The following OFD1 variants were observed in gnomAD, a reference collection of about 807,000 sequenced individuals.
The protein encoded by OFD1 is centriole and centriolar satellite protein OFD1.
OFD1 carries 12 observed loss-of-function variants against 81.4 expected under a neutral mutation model. That is an observed-to-expected ratio of 0.15 (90% CI 0.09 to 0.24). The LOEUF is 0.24. Among genes scored for constraint, OFD1 ranks in the 10% least tolerant of loss-of-function variants. The pLI is 1.00. For synonymous variants in OFD1, 256 were observed against 263.7 expected (o/e 0.97, Z 0.28); for missense variants, 685 against 733.9 (o/e 0.93, Z 0.77).
In OFD1 at chrX:13,760,151, C is replaced by T; in HGVS notation, c.1691C>T (p.Ser564Phe). The stretch of plus-strand genomic sequence containing the variant: ...GAAGTGTACTGCAATCCAAAGCAGT[C>T]TGTGATCGATCGTTCTGTCAATGGA... ...ENEVYCNPKQSVIDRSVNGLI... is the reference protein window; with the variant it reads ...ENEVYCNPKQFVIDRSVNGLI... The change falls in exon 16 of 23, where the codon TCT becomes TTT. Residue 564 changes from serine (S) to phenylalanine (F), a missense_variant. By Grantham distance (155) the Ser-to-Phe change is radical. Transcript: ENST00000340096. 2 of 1,211,896 alleles carry T rather than the reference C, an allele frequency of 1.7e-6. No individual in the cohort carries two copies. The highest frequency in any genetic ancestry group is 2.2e-6 in the Non-Finnish European group (2 of 895,351).
At chrX:13,724,930 G>A in the OFD1 span, among the ~76,000 whole-genome samples, 2 of 113,330 alleles carry the variant, frequency 1.8e-5, no homozygotes, top group African/African-American at 3.2e-5. Flanking sequence ...CTTAGCAACC[G>A]GCAGACAAGG....
At chrX:13,762,200 T>C in intron 17 of OFD1, 144 bp from the exon 18 acceptor site, 2 of 486,269 alleles carry the variant, frequency 4.1e-6, no homozygotes, top group South Asian at 5.9e-5. Flanking sequence ...TGCCTAGTGG[T>C]GGTGGTGAGG....
chrX:13,772,787 T>G, downstream of OFD1: 5 of 814,865 alleles, frequency 6.1e-6, no homozygotes, highest in Non-Finnish European at 8.9e-6. Context: ...TACATCTACA[T>G]TAGTTTGGTG....
chrX:13,768,742 G>A lies in OFD1; in HGVS notation c.2953G>A (p.Gly985Ser), dbSNP rs757837343. ...DKSSKKMVQE[G>S]SLVDTLQSSD... ...GAGCTCAAAAAAGATGGTCCAAGAA[G>A]GCTCCCTAGTGGACACGCTGCAATC... Residue 985 changes from glycine (G) to serine (S), a missense_variant, in exon 22 of 23, where the codon GGC becomes AGC. By Grantham distance (56) the Gly-to-Ser change is moderately conservative. This residue lies in a region of OFD1 where 259 missense variants were observed against 254.4 expected (regional missense o/e 1.02). Transcript: ENST00000340096. 4.1e-6 allele frequency: 5 copies of A among 1,210,889 alleles called. No homozygotes were observed. The East Asian group carries it at 1.5e-4, about 36-fold the overall frequency.
Position 13,762,417 on chromosome X carries a change from A to G in OFD1, c.2461A>G (p.Asn821Asp). The change falls in exon 18 of 23, where the codon AAT (asparagine) becomes GAT (aspartate). Residue 821 changes from asparagine (N) to aspartate (D), a missense_variant. Physicochemically the swap from Asn to Asp is conservative, Grantham distance 23 (BLOSUM62 1). Transcript: ENST00000340096. ...SDVDKLAFKD[N>D]EEFESSFESA... is the part of the protein sequence containing the mutation. ...TGTGGACAAGCTAGCTTTTAAGGAT[A>G]ATGAGGAGTTTGAATCATCTTTTGA... is the stretch of plus-strand genomic sequence containing the variant. The G allele has an allele frequency of 8.5e-7, 1 of 1,182,901 alleles. No homozygotes were observed. The highest frequency in any genetic ancestry group is 1.7e-5 in the African/African-American group (1 of 57,446).
At chrX:13,751,463 C>G in intron 10 of OFD1, 95 bp downstream of exon 10, 1 of 666,371 alleles carries the variant, frequency 1.5e-6, no homozygotes, top group Non-Finnish European at 2.2e-6. Flanking sequence ...CTTAGGCAAA[C>G]TTTAGTGTTT....
At chrX:13,757,823 TACCAGTAC>T in intron 14 of OFD1, 33 bp downstream of exon 14, 1 of 1,201,342 alleles carries the variant, frequency 8.3e-7, no homozygotes, top group Middle Eastern at 2.3e-4. Context: ...TCTAGTGTGA[TACCAGTAC>T]ACTTCATAGT....
At chrX:13,768,982 G>A in intron 22 of OFD1, 84 bp from the exon 23 acceptor site, 1 of 815,448 alleles carries the variant, frequency 1.2e-6, no homozygotes, top group Non-Finnish European at 1.9e-6. Flanking sequence ...AACCCCCCAG[G>A]GAAGGAATTG....
chrX:13,746,933 A>C lies in OFD1; in HGVS notation c.808A>C (p.Arg270=). The C allele has an allele frequency of 8.3e-7, 1 of 1,211,072 alleles. No individual in the cohort carries two copies. The highest frequency in any genetic ancestry group is 1.1e-6 in the Non-Finnish European group (1 of 894,748). ...LVLREKSTLE[R]IHKHQEIETK... is the part of the protein sequence containing the mutation. ...TCTTCGGGAAAAGAGTACCCTTGAA[A>C]GAATTCACAAGCACCAAGAGGTGGT... The change falls in exon 8 of 23, where the codon AGA becomes CGA. Residue 270 remains arginine (R), a synonymous_variant. Coordinates refer to ENST00000340096, the MANE Select transcript of OFD1 (RefSeq NM_003611.3).
intron 2 of OFD1, among the ~76,000 whole-genome samples, 155 bp downstream of exon 2, chrX:13,735,501 A>T (rs2046825425): frequency 8.9e-6 from 1 of 112,730 alleles, no homozygotes; most frequent in Non-Finnish European, 1.9e-5. Flanking sequence ...CTGTATCCTG[A>T]AACATTACAG....
rs1032929866 is a variant in OFD1 at position 13,748,810 on chromosome X, G to C, written c.829-617G>C. On this transcript the variant is annotated intron_variant, in intron 8 of 22. Coordinates refer to ENST00000340096, the MANE Select transcript of OFD1 (RefSeq NM_003611.3). The stretch of plus-strand genomic sequence containing the variant: ...ACATTTTGCTTAATTTTTCTTTCTG[G>C]GGAACTTGCCAAAATTTAGGTAAGG... Among the ~76,000 whole-genome samples the C allele has an allele frequency of 5.4e-5, 6 of 110,918 alleles. No individual in the cohort carries two copies. In the South Asian group the frequency reaches 2.3e-3, roughly 42 times the overall value.
chrX:13,725,719 C>G, the OFD1 span, among the ~76,000 whole-genome samples: 1 of 112,339 alleles, frequency 8.9e-6, no homozygotes, highest in Non-Finnish European at 1.9e-5. Flanking sequence ...GATTGCAGCT[C>G]CTCGCCAGCA....
chrX:13,719,758 G>A, the OFD1 span: 5 of 601,251 alleles, frequency 8.3e-6, no homozygotes, highest in Non-Finnish European at 1.3e-5. Flanking sequence ...GTGGGCTCCT[G>A]AGCAAGCCTC....
downstream of OFD1, among the ~76,000 whole-genome samples, chrX:13,769,825 C>T (rs1005464094): frequency 9.0e-6 from 1 of 111,635 alleles, no homozygotes; most frequent in Non-Finnish European, 1.9e-5. Context: ...GAAGCCGAGA[C>T]CGGGCCTTCA....
chrX:13,755,820 A>G (rs1045669235), intron 12 of OFD1, among the ~76,000 whole-genome samples: 1 of 111,475 alleles, frequency 9.0e-6, no homozygotes, highest in Non-Finnish European at 1.9e-5. Context: ...TATTTTGTAT[A>G]TGAAATTTAT....
chrX:13,773,440 A>T (rs966288681), downstream of OFD1: 1 of 115,733 alleles, frequency 8.6e-6, no homozygotes, highest in African/African-American at 3.3e-5. Context: ...GATAAAAATC[A>T]ATTCCCCCAA....
Position 13,738,703 on chromosome X carries a change from T to C in OFD1, c.313-143T>C, listed in dbSNP as rs2046971600. The C allele has an allele frequency of 8.8e-6, 4 of 455,377 alleles. No homozygotes were observed. The South Asian group carries it at 1.4e-4, about 16-fold the overall frequency. 37.5% of individuals were successfully genotyped at this position (455,377 alleles called of 1,213,427 possible). On this transcript the variant is annotated intron_variant, in intron 3 of 22. Coordinates refer to ENST00000340096, the MANE Select transcript of OFD1 (RefSeq NM_003611.3). ...TTTATTTAACAGTGTAAGAAAGAGC[T>C]TGAAATTTGCTTTATTAGCATAGTT...
In OFD1 at chrX:13,760,662, C is replaced by T; in HGVS notation, c.2202C>T (p.Leu734=). Residue 734 remains leucine, a synonymous_variant, in exon 16 of 23, where the codon CTC becomes CTT. Coordinates refer to ENST00000340096, the MANE Select transcript of OFD1 (RefSeq NM_003611.3). ...RLRGGTSSRR[L]SSTPLPKAKR... is the part of the protein sequence containing the mutation. ...GCGGGGGCACTTCCTCCAGACGCCT[C>T]TCTTCCACACCCCTTCCAAAAGCAA... 8.3e-7 allele frequency: 1 copy of T among 1,211,601 alleles called. No individual in the cohort carries two copies. The highest frequency in any genetic ancestry group is 1.1e-6 in the Non-Finnish European group (1 of 895,280).
At chrX:13,767,557 CTG>C (rs1444671777) in intron 20 of OFD1, among the ~76,000 whole-genome samples, 6 of 112,342 alleles carry the variant, frequency 5.3e-5, no homozygotes, top group Admixed American at 4.7e-4. Flanking sequence ...AAAAGGTAGA[CTG>C]TGCTTTGCTG....
Sources: allele counts gnomAD v4.1 joint callset (sites outside exome capture counted in the v4.1 genomes callset), GRCh38; gene constraint gnomAD v4.1.1; regional missense constraint gnomAD v4.1.1; transcripts MANE v1.5; gene names NCBI Gene and HGNC (gene_info 2026-07-23, HGNC 2026-07-21).